ARSF: variants seen among roughly 807,000 people sequenced by gnomAD.
ARSF encodes the protein arylsulfatase F.
ARSF carries 33 observed loss-of-function variants against 35.4 expected under a neutral mutation model. The ratio of observed to expected loss-of-function variants is 0.93; its 90% CI spans 0.71 to 1.25. ARSF has a LOEUF of 1.25. Ranked by LOEUF, ARSF falls within the 50% of genes most tolerant of loss-of-function variation. ARSF has a pLI of 0.00. For synonymous variants in ARSF, 222 were observed against 193.1 expected, an observed-to-expected ratio of 1.15 and a Z score of -1.24; for missense variants, 501 against 480.2, an observed-to-expected ratio of 1.04 and a Z score of -0.40.
intron 7 of ARSF, among the ~76,000 whole-genome samples, chrX:3,092,492 C>T (rs1368726929): frequency 2.7e-5 from 3 of 111,939 alleles, no homozygotes; most frequent in Non-Finnish European, 5.6e-5. Flanking sequence ...AAACAAGGCA[C>T]TTTGGGTATG....
At chrX:3,091,406 C>A (rs2090289170) in intron 7 of ARSF, among the ~76,000 whole-genome samples, 1 of 112,337 alleles carries the variant, frequency 8.9e-6, no homozygotes, top group Admixed American at 9.5e-5. Context: ...CTAGGACTTA[C>A]ATGGTAAATG....
At chrX:3,111,342 T>C (rs2090444073) in intron 10 of ARSF, among the ~76,000 whole-genome samples, 1 of 111,559 alleles carries the variant, frequency 9.0e-6, no homozygotes, top group Non-Finnish European at 1.9e-5. Flanking sequence ...TTTTAAAAAG[T>C]GGCACACATA....
intron 1 of ARSF, among the ~76,000 whole-genome samples, chrX:3,052,027 A>G (rs942291498): frequency 9.0e-6 from 1 of 110,673 alleles, no homozygotes; most frequent in African/African-American, 3.3e-5. Context: ...ACAACAAAAA[A>G]CAAAAAAAAA....
intron 3 of ARSF, among the ~76,000 whole-genome samples, chrX:3,074,360 A>G (rs180957551): frequency 3.1e-4 from 34 of 111,178 alleles, no homozygotes; most frequent in African/African-American, 9.8e-4. Context: ...GGTGACTTCC[A>G]TATCTGAAAA....
intron 9 of ARSF, among the ~76,000 whole-genome samples, 177 bp downstream of exon 9, chrX:3,104,101 T>A (rs748371714): frequency 1.8e-5 from 2 of 111,932 alleles, no homozygotes; most frequent in South Asian, 7.5e-4. Flanking sequence ...GACCAGTCTT[T>A]TCTTTTTTTC....
In ARSF at chrX:3,112,382, G is replaced by T. The variant is rs1285962061; in HGVS notation, c.1599G>T (p.Lys533Asn). The change falls in exon 11 of 11, where the codon AAG (lysine) becomes AAT (asparagine). Residue 533 changes from lysine to asparagine, a missense_variant. Transcript: ENST00000381127. ...CCCTCCATGATTTTGTGATTAAAAAGGTGGCCAACGCCCTGAAGGAACACC... is the reference window on the plus strand; with the variant it reads ...CCCTCCATGATTTTGTGATTAAAAATGTGGCCAACGCCCTGAAGGAACACC... ...TEPLHDFVIKKVANALKEHQE... is the reference protein window; with the variant it reads ...TEPLHDFVIKNVANALKEHQE... 3 of 1,209,168 alleles carry T rather than the reference G, an allele frequency of 2.5e-6. No homozygotes were observed. Among genetic ancestry groups the T allele is most frequent in the African/African-American group, 3.5e-5 (2 of 56,931 alleles).
intron 7 of ARSF, among the ~76,000 whole-genome samples, chrX:3,096,405 T>G (rs1162822403): frequency 9.0e-6 from 1 of 111,031 alleles, no homozygotes; most frequent in African/African-American, 3.3e-5. Context: ...GAAGAGTGGA[T>G]TGTATACATG....
rs2090456070 is a variant in ARSF at position 3,112,657 on chromosome X, C to G, written c.*101C>G. On this transcript the variant is annotated 3_prime_UTR_variant, in exon 11 of 11. Coordinates refer to ENST00000381127, the MANE Select transcript of ARSF (RefSeq NM_001201539.2). ...ACTAACTTTGGTGCTTTCAAGTTGG[C>G]AAGGAGTGCATTTAATAGTCAATAA... 4.8e-6 allele frequency: 5 copies of G among 1,039,934 alleles called. No individual in the cohort carries two copies. The highest frequency in any genetic ancestry group is 6.2e-6 in the Non-Finnish European group (5 of 801,976). The allele number at this position is 1,039,934 out of a possible 1,213,427, so 85.7% of individuals were successfully genotyped here.
At position 3,076,622 on chromosome X, in the gene ARSF, G is replaced by T. The variant is rs757223520; in HGVS notation, c.236G>T (p.Ser79Ile). ...CACATCTCTGCCGCCTCCCTCTGCAGCCCAAGCCGGTCCGCGTTCTTGACG... is the reference window on the plus strand; with the variant it reads ...CACATCTCTGCCGCCTCCCTCTGCATCCCAAGCCGGTCCGCGTTCTTGACG... ...TQHISAASLC[S>I]PSRSAFLTGR... The change falls in exon 4 of 11, where the codon AGC becomes ATC. Residue 79 changes from serine to isoleucine, a missense_variant. Ser to Ile is a moderately radical substitution (Grantham distance 142). Coordinates refer to ENST00000381127, the MANE Select transcript of ARSF (RefSeq NM_001201539.2). 29 of 1,209,606 alleles carry T rather than the reference G, an allele frequency of 2.4e-5. No individual in the cohort carries two copies. In the Admixed American group the frequency reaches 5.7e-4, roughly 24 times the overall value.
At chrX:3,095,853 A>G (rs1012246840) in intron 7 of ARSF, among the ~76,000 whole-genome samples, 2 of 109,844 alleles carry the variant, frequency 1.8e-5, no homozygotes, top group African/African-American at 6.6e-5. Context: ...AAATTCTTGC[A>G]TGCTTTCTAG....
At position 3,076,194 on chromosome X, in the gene ARSF, C is replaced by T. The variant is rs771913228; in HGVS notation, c.162-354C>T. ...CTCCCTCTTTCTGTCTTTCTCTCTC[C>T]TTTTTTCTGTTTGTCTCTCTCTTTC... is the stretch of plus-strand genomic sequence containing the variant. On this transcript the variant is annotated intron_variant, in intron 3 of 10. Coordinates refer to ENST00000381127, the MANE Select transcript of ARSF (RefSeq NM_001201539.2). Among the ~76,000 whole-genome samples, 9 of 105,914 alleles carry T rather than the reference C, an allele frequency of 8.5e-5. No homozygotes were observed. The South Asian group carries it at 3.9e-3, about 46-fold the overall frequency. 92.0% of individuals were successfully genotyped at this position (105,914 alleles called of 115,157 possible). A position where few individuals can be genotyped will look rare whatever the true frequency, so the allele number is the denominator to read the frequency against.
chrX:3,068,832 C>A (rs761677707), intron 2 of ARSF, among the ~76,000 whole-genome samples: 1 of 112,049 alleles, frequency 8.9e-6, no homozygotes, highest in East Asian at 2.8e-4. Context: ...GGCCCACAGT[C>A]CTGAGCATGT....
At position 3,084,401 on chromosome X, in the gene ARSF, C is replaced by T. The variant is rs763301537; in HGVS notation, c.565C>T (p.Leu189Phe). Residue 189 changes from leucine (L) to phenylalanine (F), a missense_variant, in exon 6 of 11, where the codon CTC becomes TTC. Leu to Phe is a conservative substitution (Grantham distance 22). Coordinates refer to ENST00000381127, the MANE Select transcript of ARSF (RefSeq NM_001201539.2). ...CACGGAATTAGCCTTTGAGAGTCAG[C>T]TCTGGCTCTGTGTGCAGCTAGTTGC... ...RNTELAFESQ[L>F]WLCVQLVAIA... 53 of 1,209,893 alleles carry T rather than the reference C, an allele frequency of 4.4e-5. No homozygotes were observed. The highest frequency in any genetic ancestry group is 5.9e-5 in the Non-Finnish European group (53 of 895,273).
At chrX:3,094,036 C>T (rs893877847) in intron 7 of ARSF, among the ~76,000 whole-genome samples, 2 of 111,818 alleles carry the variant, frequency 1.8e-5, no homozygotes, top group African/African-American at 3.2e-5. Context: ...TACTTTTGCA[C>T]CAACCTAATA....
intron 1 of ARSF, among the ~76,000 whole-genome samples, chrX:3,062,062 C>T (rs911239009): frequency 8.9e-6 from 1 of 111,735 alleles, no homozygotes; most frequent in Non-Finnish European, 1.9e-5. Flanking sequence ...GTAAAGCACT[C>T]CTCAGCAAAT....
intron 1 of ARSF, among the ~76,000 whole-genome samples, chrX:3,046,766 G>A (rs908579920): frequency 3.6e-5 from 4 of 110,836 alleles, no homozygotes; most frequent in Admixed American, 2.9e-4. Flanking sequence ...ATTAAGCCAC[G>A]TCAACCAAAA....
At chrX:3,042,663 A>G (rs2147469692) in intron 1 of ARSF, among the ~76,000 whole-genome samples, 2 of 109,090 alleles carry the variant, frequency 1.8e-5, no homozygotes, top group East Asian at 5.9e-4. Flanking sequence ...TGCCTGGCTA[A>G]TTTTTGTAAT....
intron 7 of ARSF, among the ~76,000 whole-genome samples, chrX:3,090,420 G>A (rs191987833): frequency 2.4e-4 from 27 of 111,825 alleles, no homozygotes; most frequent in African/African-American, 8.8e-4. Context: ...TGTAATCCTG[G>A]CACTTTGGGA....
At chrX:3,065,800 G>T (rs2090063212) in intron 1 of ARSF, among the ~76,000 whole-genome samples, 1 of 111,279 alleles carries the variant, frequency 9.0e-6, no homozygotes, top group African/African-American at 3.3e-5. Context: ...CTGGTCTAAT[G>T]CAAGATCTGG....
Sources: allele counts gnomAD v4.1 joint callset (sites outside exome capture counted in the v4.1 genomes callset), GRCh38; gene constraint gnomAD v4.1.1; transcripts MANE v1.5; gene names NCBI Gene and HGNC (gene_info 2026-07-23, HGNC 2026-07-21).